Variants in SLMAP observed in about 807,000 individuals in gnomAD.
SLMAP encodes the protein sarcolemma associated protein.
A neutral mutation model predicts 128.8 loss-of-function variants in SLMAP; 44 were observed. The observed-to-expected ratio is 0.34, with a 90% CI of 0.27 to 0.44. SLMAP has a LOEUF of 0.44. Among genes scored for constraint, SLMAP ranks in the 20% least tolerant of loss-of-function variants. The probability of loss-of-function intolerance (pLI) is 1.00; values close to 1 mark genes in which losing one functional copy is unlikely to be tolerated. For missense variants in SLMAP, 787 were observed against 985.3 expected (o/e 0.80, Z 2.69); for synonymous variants, 327 against 348.8 (o/e 0.94, Z 0.70).
intron 24 of SLMAP, among the ~76,000 whole-genome samples, chr3:57,926,589 A>G (rs2097013820): frequency 6.6e-6 from 1 of 152,234 alleles, no homozygotes; most frequent in Non-Finnish European, 1.5e-5. Context: ...AAGTAAAAAT[A>G]AAAGTGTCAA....
chr3:57,874,574 A>G (rs771479823), intron 14 of SLMAP, among the ~76,000 whole-genome samples: 1 of 152,058 alleles, frequency 6.6e-6, no homozygotes, highest in African/African-American at 2.4e-5. Context: ...AAAGAAAAAA[A>G]AAAAAGCCAG....
intron 17 of SLMAP, chr3:57,897,268 CT>C: frequency 2.3e-6 from 1 of 431,782 alleles, no homozygotes. Context: ...TCTTAACTTT[CT>C]TGAAAGACTC....
intron 17 of SLMAP, among the ~76,000 whole-genome samples, chr3:57,906,317 T>TTTTTTTTTTG (rs2096557670): frequency 8.2e-6 from 1 of 121,714 alleles, no homozygotes; most frequent in African/African-American, 3.1e-5. Context: ...TTTCTTTTTT[T>TTTTTTTTTTG]TTTTTTTTTT....
Position 57,865,293 on chromosome 3 carries a change from G to A in SLMAP, c.1237+1G>A. ...AAAATAAATGGGAGCACAGAAAAAG[G>A]TAGTGTAAAAAACTTAAATATATAT... On this transcript the variant is annotated splice_donor_variant, in intron 13 of 24. Coordinates refer to ENST00000671191, the MANE Select transcript of SLMAP (RefSeq NM_001377540.1). LOFTEE classifies it high-confidence loss of function. 1 of 1,432,174 alleles carries A rather than the reference G, an allele frequency of 7.0e-7. No homozygotes were observed. Among genetic ancestry groups the A allele is most frequent in the Non-Finnish European group, 9.5e-7 (1 of 1,048,638 alleles). 88.7% of individuals were successfully genotyped at this position (1,432,174 alleles called of 1,614,324 possible).
chr3:57,776,119 A>G (rs962681013), intron 2 of SLMAP, among the ~76,000 whole-genome samples: 3 of 152,208 alleles, frequency 2.0e-5, no homozygotes, highest in African/African-American at 7.2e-5. Context: ...TAATAGTAGC[A>G]GTTAGTTGTT....
At chr3:57,767,901 G>A (rs915529892) in intron 2 of SLMAP, among the ~76,000 whole-genome samples, 2 of 152,124 alleles carry the variant, frequency 1.3e-5, no homozygotes, top group African/African-American at 4.8e-5. Flanking sequence ...ATGTATAACC[G>A]AAACTTGTCA....
chr3:57,840,454 C>G (rs1455695106), intron 3 of SLMAP, among the ~76,000 whole-genome samples: 2 of 152,106 alleles, frequency 1.3e-5, no homozygotes, highest in Admixed American at 6.5e-5. Flanking sequence ...TCTTTGAACT[C>G]TGGAAAATGT....
chr3:57,898,302 G>T (rs771274600), intron 17 of SLMAP: 21 of 152,118 alleles, frequency 1.4e-4, no homozygotes, highest in Non-Finnish European at 2.8e-4. Flanking sequence ...TGTAGTTACT[G>T]ATACTGAAAG....
chr3:57,900,780 C>G (rs2096360588), intron 17 of SLMAP: 1 of 152,356 alleles, frequency 6.6e-6, no homozygotes, highest in Non-Finnish European at 1.5e-5. Flanking sequence ...ACACTCTAGC[C>G]TCGGTGACAG....
intron 6 of SLMAP, among the ~76,000 whole-genome samples, chr3:57,851,575 C>G (rs1026076172): frequency 1.3e-5 from 2 of 151,726 alleles, no homozygotes; most frequent in African/African-American, 4.8e-5. Flanking sequence ...CGGGTTCAAG[C>G]AGTTCTCCTG....
chr3:57,786,879 G>A (rs1167445777), intron 2 of SLMAP, among the ~76,000 whole-genome samples: 17 of 151,800 alleles, frequency 1.1e-4, no homozygotes, highest in Admixed American at 1.0e-3. Context: ...GACTACAGGC[G>A]CCTGCCATCA....
intron 13 of SLMAP, among the ~76,000 whole-genome samples, chr3:57,869,574 A>C (rs1471484945): frequency 4.9e-5 from 7 of 143,476 alleles, no homozygotes; most frequent in African/African-American, 7.7e-5. Flanking sequence ...CTACAATCAC[A>C]CCTGTGAATA....
Position 57,757,998 on chromosome 3 carries a change from G to A in SLMAP, c.198+149G>A, listed in dbSNP as rs932140976. 4.5e-6 allele frequency: 3 copies of A among 671,072 alleles called. No individual in the cohort carries two copies. In the East Asian group the frequency reaches 8.2e-5, roughly 18 times the overall value. The allele number at this position is 671,072 out of a possible 1,614,324, so 41.6% of individuals were successfully genotyped here. On this transcript the variant is annotated intron_variant, in intron 2 of 24. Transcript: ENST00000671191. ...CCACGAATCAACTGTTTGTGTGCCT[G>A]GTTCTAGTGGAAATTTGATTGAGGT...
chr3:57,905,104 G>A (rs2096494108), intron 17 of SLMAP, among the ~76,000 whole-genome samples: 1 of 152,094 alleles, frequency 6.6e-6, no homozygotes. Context: ...AATGTTTGGT[G>A]TCCTCATGGC....
chr3:57,860,734 A>G lies in SLMAP; in HGVS notation c.723A>G (p.Ile241Met), dbSNP rs760182153. 44 of 1,589,466 alleles carry G rather than the reference A, an allele frequency of 2.8e-5. No individual in the cohort carries two copies. Among genetic ancestry groups the G allele is most frequent in the Non-Finnish European group, 3.6e-5 (42 of 1,173,398 alleles). ...AAGATAGTTTACGAAAGGAACTTAT[A>G]GCATTACAAGAGGATAAACATAACT... is the stretch of plus-strand genomic sequence containing the variant. Reference protein sequence around the residue: ...QTEDSLRKELIALQEDKHNYE... With the variant: ...QTEDSLRKELMALQEDKHNYE... Residue 241 changes from isoleucine to methionine, a missense_variant, in exon 9 of 25, where the codon ATA becomes ATG. By Grantham distance (10) the Ile-to-Met change is conservative. Around this residue, in one of 2 missense-constraint regions of SLMAP, gnomAD observed 715 missense variants for 843.6 expected, o/e 0.85. Transcript: ENST00000671191.
At position 57,903,518 on chromosome 3, in the gene SLMAP, T is replaced by A. The variant is rs568108492; in HGVS notation, c.1502-4366T>A. ...TACCAAGTGGATCAGTGTGTCAGAG[T>A]TCAGTTGAGCAAAGGTCAGAGTTTA... On this transcript the variant is annotated intron_variant, in intron 17 of 24. Transcript: ENST00000671191. Among the ~76,000 whole-genome samples, 159 of 152,250 alleles carry A rather than the reference T, an allele frequency of 1.0e-3. 2 individuals carry two copies. The highest frequency in any genetic ancestry group is 3.6e-3 in the African/African-American group (148 of 41,534).
At chr3:57,804,107 G>T (rs1054731755) in intron 2 of SLMAP, among the ~76,000 whole-genome samples, 2 of 152,188 alleles carry the variant, frequency 1.3e-5, no homozygotes, top group Non-Finnish European at 2.9e-5. Context: ...CTGCCAAAAA[G>T]TGTTAAAGTA....
At chr3:57,887,616 A>G (rs2095931066) in intron 14 of SLMAP, among the ~76,000 whole-genome samples, 1 of 152,204 alleles carries the variant, frequency 6.6e-6, no homozygotes. Flanking sequence ...TCACTCAGAG[A>G]TCTAGACAGA....
chr3:57,885,091 A>G (rs1246595394), intron 14 of SLMAP, among the ~76,000 whole-genome samples: 1 of 140,610 alleles, frequency 7.1e-6, no homozygotes, highest in Non-Finnish European at 1.6e-5. Flanking sequence ...TTTTTTTTTG[A>G]AACGGAGTTT....
Sources: gnomAD v4.1 joint callset for allele counts (sites outside exome capture counted in the v4.1 genomes callset) on GRCh38, gnomAD v4.1.1 for gene constraint, gnomAD v4.1.1 regional missense constraint, MANE v1.5 for transcripts, NCBI Gene and HGNC (gene_info 2026-07-23, HGNC 2026-07-21) for gene names.